FAM13A: variants seen among roughly 807,000 people sequenced by gnomAD.
FAM13A encodes protein FAM13A.
Under a neutral mutation model 129.6 loss-of-function variants are expected in FAM13A, and 76 were observed. The observed-to-expected ratio is 0.59, with a 90% CI of 0.49 to 0.71. The LOEUF is 0.71. FAM13A is among the 30% of genes least tolerant of loss of function. FAM13A has a pLI of 0.00. For missense variants in FAM13A, 1,108 were observed against 1,249.3 expected (o/e 0.89, Z 1.70); for synonymous variants, 443 against 449.9 (o/e 0.98, Z 0.20).
At chr4:88,771,723 T>C (rs1439945725) in intron 11 of FAM13A, among the ~76,000 whole-genome samples, 2 of 152,202 alleles carry the variant, frequency 1.3e-5, no homozygotes, top group Admixed American at 1.3e-4. Context: ...TTGCTTCTTG[T>C]ATTGCAATTA....
At chr4:88,908,798 G>A (rs1212294101) in intron 5 of FAM13A, among the ~76,000 whole-genome samples, 1 of 152,162 alleles carries the variant, frequency 6.6e-6, no homozygotes, top group African/African-American at 2.4e-5. Flanking sequence ...GCCAGCACCC[G>A]TTCAGAGTTG....
At chr4:88,893,374 C>G (rs1295099807) in intron 6 of FAM13A, among the ~76,000 whole-genome samples, 3 of 152,212 alleles carry the variant, frequency 2.0e-5, no homozygotes, top group Non-Finnish European at 4.4e-5. Context: ...CCTTTAATCC[C>G]AGCACTTTGG....
chr4:88,747,841 T>C lies in FAM13A; in HGVS notation c.2172A>G (p.Leu724=), dbSNP rs1741693260. ...KFRRQLKESK[L]KISEEDLTPR... ...GAGTTAGGTCCTCTTCAGATATCTTTAGTTTTGATTCTAGTTGAGAAGATT... is the reference window on the plus strand; with the variant it reads ...GAGTTAGGTCCTCTTCAGATATCTTCAGTTTTGATTCTAGTTGAGAAGATT... Residue 724 remains leucine, a synonymous_variant, in exon 18 of 24, where the codon CTA becomes CTG. Transcript: ENST00000264344. 6.2e-7 allele frequency: 1 copy of C among 1,609,574 alleles called. No individual in the cohort carries two copies. Among genetic ancestry groups the C allele is most frequent in the Non-Finnish European group, 8.5e-7 (1 of 1,176,286 alleles).
intron 7 of FAM13A, among the ~76,000 whole-genome samples, chr4:88,827,062 C>G (rs1733126435): frequency 1.3e-5 from 2 of 152,162 alleles, no homozygotes; most frequent in Non-Finnish European, 1.5e-5. Flanking sequence ...TTACTTATTC[C>G]TCCATCCCAT....
Position 88,748,972 on chromosome 4 carries a change from T to C in FAM13A, c.2141A>G (p.Lys714Arg). The C allele has an allele frequency of 1.9e-6, 3 of 1,613,862 alleles. No individual in the cohort carries two copies. The highest frequency in any genetic ancestry group is 2.5e-6 in the Non-Finnish European group (3 of 1,179,752). The part of the protein sequence containing the change: ...EVLKWTNDLA[K>R]FRRQLKESKL... ...CCCACCTTTAAGTTGTCTCCGGAAT[T>C]TGGCAAGGTCATTTGTCCATTTCAG... Residue 714 changes from lysine (K) to arginine (R), a missense_variant, in exon 17 of 24, where the codon AAA becomes AGA. Lys to Arg is a conservative substitution (Grantham distance 26). Around this residue, in one of 3 missense-constraint regions of FAM13A, gnomAD observed 529 missense variants for 621.2 expected, o/e 0.85. Transcript: ENST00000264344.
At chr4:88,774,276 A>T (rs183967951) in intron 11 of FAM13A, among the ~76,000 whole-genome samples, 1 of 152,152 alleles carries the variant, frequency 6.6e-6, no homozygotes, top group Non-Finnish European at 1.5e-5. Flanking sequence ...TCTCCACAGC[A>T]TGTATTGCCA....
intron 4 of FAM13A, among the ~76,000 whole-genome samples, chr4:88,988,501 C>G (rs1011480790): frequency 6.6e-6 from 1 of 152,150 alleles, no homozygotes; most frequent in Non-Finnish European, 1.5e-5. Flanking sequence ...AGGTCTGCAA[C>G]TTAGTTTCAA....
Position 88,953,494 on chromosome 4 carries a change from C to T in FAM13A, c.606-15253G>A, listed in dbSNP as rs1757275509. On this transcript the variant is annotated intron_variant, in intron 4 of 23. Coordinates refer to ENST00000264344, the MANE Select transcript of FAM13A (RefSeq NM_014883.4). ...AAACAAAAACAACAACAACAAAAAACATAACATAAACTTTAACATTTTAAC... is the reference window on the plus strand; with the variant it reads ...AAACAAAAACAACAACAACAAAAAATATAACATAAACTTTAACATTTTAAC... 3.3e-5 allele frequency among the ~76,000 whole-genome samples: 5 copies of T among 152,134 alleles called. No individual in the cohort carries two copies. In the South Asian group the frequency reaches 1.0e-3, roughly 32 times the overall value.
At position 88,938,104 on chromosome 4, in the gene FAM13A, C is replaced by T. The variant is rs1754133722; in HGVS notation, c.743G>A (p.Arg248Lys). 17 of 1,613,274 alleles carry T rather than the reference C, an allele frequency of 1.1e-5. No homozygotes were observed. The highest frequency in any genetic ancestry group is 1.4e-5 in the Non-Finnish European group (17 of 1,179,430). The change falls in exon 5 of 24, where the codon AGG (arginine) becomes AAG (lysine). Residue 248 changes from arginine (R) to lysine (K), a missense_variant. Arg to Lys is a conservative substitution (Grantham distance 26, BLOSUM62 2). This residue lies in a region of FAM13A where 566 missense variants were observed against 595.7 expected (regional missense o/e 0.95). Coordinates refer to ENST00000264344, the MANE Select transcript of FAM13A (RefSeq NM_014883.4). ...GTTGCTTACTTTTACTATGATAAGC[C>T]TAGCCAGGTTTTCACATCTCAGATG... ...NDHLRCENLA[R>K]LIIVKEVYYK...
intron 1 of FAM13A, among the ~76,000 whole-genome samples, chr4:89,035,213 C>T (rs1224054594): frequency 6.6e-6 from 1 of 151,976 alleles, no homozygotes; most frequent in African/African-American, 2.4e-5. Flanking sequence ...GGGAAAAGGG[C>T]TGAAAAAGTT....
chr4:88,854,350 C>A (rs1393994659), intron 6 of FAM13A, among the ~76,000 whole-genome samples: 4 of 152,164 alleles, frequency 2.6e-5, no homozygotes, highest in Admixed American at 2.6e-4. Context: ...ATCGCGCCAA[C>A]AGCCTTACCG....
chr4:88,926,279 A>T (rs1471298860), intron 5 of FAM13A, among the ~76,000 whole-genome samples: 1 of 152,204 alleles, frequency 6.6e-6, no homozygotes, highest in East Asian at 1.9e-4. Context: ...CCACAGAAGT[A>T]TAACTTTCAT....
Position 88,991,007 on chromosome 4 carries a change from T to C in FAM13A, c.571A>G (p.Asn191Asp). Residue 191 changes from asparagine to aspartate, a missense_variant, in exon 4 of 24, where the codon AAT becomes GAT. Physicochemically the swap from Asn to Asp is conservative, Grantham distance 23 (BLOSUM62 1). Around this residue, in one of 3 missense-constraint regions of FAM13A, gnomAD observed 566 missense variants for 595.7 expected, o/e 0.95. Coordinates refer to ENST00000264344, the MANE Select transcript of FAM13A (RefSeq NM_014883.4). ...TTTGGCCCAAATACAGTGGCGAGAT[T>C]GTGAACATTCATGCGATTCTGCACA... ...HHVQNRMNVH[N>D]LATVFGPNCF... 1 of 1,614,156 alleles carries C rather than the reference T, an allele frequency of 6.2e-7. No individual in the cohort carries two copies. Among genetic ancestry groups the C allele is most frequent in the South Asian group, 1.1e-5 (1 of 91,084 alleles).
intron 3 of FAM13A, among the ~76,000 whole-genome samples, chr4:89,017,586 T>C (rs1766667241): frequency 6.6e-6 from 1 of 152,138 alleles, no homozygotes; most frequent in South Asian, 2.1e-4. Context: ...TACTTAATAA[T>C]ACAGAATACT....
intron 2 of FAM13A, among the ~76,000 whole-genome samples, chr4:89,026,807 G>A (rs1227642338): frequency 6.6e-6 from 1 of 152,178 alleles, no homozygotes; most frequent in Non-Finnish European, 1.5e-5. Flanking sequence ...GGGACACAAA[G>A]CCTAACCATA....
At chr4:89,005,677 C>A (rs1286711375) in intron 3 of FAM13A, among the ~76,000 whole-genome samples, 1 of 152,120 alleles carries the variant, frequency 6.6e-6, no homozygotes, top group Non-Finnish European at 1.5e-5. Flanking sequence ...TGATGTTGAG[C>A]TTTTTTCATA....
At chr4:88,804,987 G>C in intron 8 of FAM13A, 24 bp downstream of exon 8, 5 of 1,445,604 alleles carry the variant, frequency 3.5e-6, no homozygotes, top group Non-Finnish European at 4.9e-6. Context: ...CCCTGTAGTA[G>C]ACCAACAAAA....
At chr4:88,832,654 GA>G (rs1308481254) in intron 7 of FAM13A, among the ~76,000 whole-genome samples, 2 of 152,122 alleles carry the variant, frequency 1.3e-5, no homozygotes, top group Non-Finnish European at 2.9e-5. Flanking sequence ...CATCATTAGA[GA>G]AATGCAAATC....
intron 7 of FAM13A, among the ~76,000 whole-genome samples, chr4:88,838,583 C>T (rs10011267): frequency 0.24 from 37,115 of 151,780 alleles, 5,204 homozygotes; most frequent in South Asian, 0.51. Flanking sequence ...AAAAATTAGC[C>T]GGGCGTGGTG....
Sources: allele counts gnomAD v4.1 joint callset (sites outside exome capture counted in the v4.1 genomes callset), GRCh38; gene constraint gnomAD v4.1.1; regional missense constraint gnomAD v4.1.1; transcripts MANE v1.5; gene names NCBI Gene and HGNC (gene_info 2026-07-23, HGNC 2026-07-21).